Variants in DOCK2 observed in about 807,000 individuals in gnomAD.
DOCK2 encodes the protein dedicator of cytokinesis protein 2.
In DOCK2, 87 loss-of-function variants were observed where a neutral mutation model predicts 248.9. The ratio of observed to expected loss-of-function variants is 0.35; its 90% CI spans 0.29 to 0.42. The LOEUF is 0.42. Ranked by LOEUF, DOCK2 falls within the 10% of genes least tolerant of loss-of-function variation. The pLI, the probability that DOCK2 is intolerant of heterozygous loss-of-function variation, is 1.00. For missense variants in DOCK2, 1,747 were observed against 2,300.2 expected (o/e 0.76, Z 4.92); for synonymous variants, 805 against 821.6 (o/e 0.98, Z 0.35).
rs371270023 is a variant in DOCK2 at position 169,883,372 on chromosome 5, T to G, written c.2799+42520T>G. 2.6e-6 allele frequency: 4 copies of G among 1,551,566 alleles called. No individual in the cohort carries two copies. The highest frequency in any genetic ancestry group is 2.7e-5 in the African/African-American group (2 of 73,026). The stretch of plus-strand genomic sequence containing the variant: ...GCTAACAGGACCATTGCTTTGCACC[T>G]TGGGGACCCTTGGGAGGAATGCATG... On this transcript the variant is annotated intron_variant, in intron 27 of 51. Transcript: ENST00000520908.
At chr5:169,844,573 T>G (rs764621804) in intron 27 of DOCK2, among the ~76,000 whole-genome samples, 31 of 152,346 alleles carry the variant, frequency 2.0e-4, no homozygotes, top group Non-Finnish European at 3.7e-4. Flanking sequence ...CCACTTCACA[T>G]TCCCCCCAGC....
At chr5:169,912,553 T>G (rs1250709346) in intron 27 of DOCK2, among the ~76,000 whole-genome samples, 1 of 152,188 alleles carries the variant, frequency 6.6e-6, no homozygotes, top group Non-Finnish European at 1.5e-5. Flanking sequence ...ATCCATAACT[T>G]TCTTTCCACT....
chr5:169,669,437 A>G, intron 3 of DOCK2, 109 bp downstream of exon 3: 2 of 1,228,984 alleles, frequency 1.6e-6, no homozygotes, highest in Non-Finnish European at 1.2e-6. Flanking sequence ...AAGGGAATCC[A>G]TCTCTCCCTC....
At chr5:169,937,355 G>A (rs147431376) in intron 27 of DOCK2, among the ~76,000 whole-genome samples, 3 of 152,306 alleles carry the variant, frequency 2.0e-5, no homozygotes, top group East Asian at 3.9e-4. Flanking sequence ...TTCCCTGGGT[G>A]TGCAACCTTG....
intron 46 of DOCK2, among the ~76,000 whole-genome samples, chr5:170,070,511 C>T (rs1358031681): frequency 6.6e-6 from 1 of 152,196 alleles, no homozygotes; most frequent in Non-Finnish European, 1.5e-5. Flanking sequence ...CCTTGTGCCA[C>T]CTGTGAAGCC....
intron 1 of DOCK2, among the ~76,000 whole-genome samples, chr5:169,647,211 C>G (rs979494990): frequency 2.0e-5 from 3 of 152,164 alleles, no homozygotes; most frequent in African/African-American, 4.8e-5. Flanking sequence ...GTCTGTTGTT[C>G]TTCTTCAGCA....
chr5:169,809,179 C>T (rs942904405), intron 26 of DOCK2, among the ~76,000 whole-genome samples: 8 of 152,046 alleles, frequency 5.3e-5, no homozygotes, highest in African/African-American at 1.4e-4. Context: ...TTAGTAGAGA[C>T]GGCATTTTAC....
At chr5:169,742,688 T>A (rs1763381992) in intron 22 of DOCK2, among the ~76,000 whole-genome samples, 1 of 152,226 alleles carries the variant, frequency 6.6e-6, no homozygotes, top group Non-Finnish European at 1.5e-5. Context: ...GAGGTTGGCA[T>A]CTCAGTTTTG....
chr5:169,974,959 G>A (rs1777664590), intron 27 of DOCK2, among the ~76,000 whole-genome samples: 1 of 152,118 alleles, frequency 6.6e-6, no homozygotes, highest in South Asian at 2.1e-4. Flanking sequence ...GGCTTCTCAG[G>A]TAGGCCCCCA....
At chr5:169,729,556 T>C (rs1389327626) in intron 22 of DOCK2, among the ~76,000 whole-genome samples, 1 of 152,220 alleles carries the variant, frequency 6.6e-6, no homozygotes, top group Non-Finnish European at 1.5e-5. Flanking sequence ...ATTTGTGTAT[T>C]CAATAGTCAC....
chr5:170,014,663 G>T (rs1043672917), intron 32 of DOCK2, among the ~76,000 whole-genome samples: 2 of 115,784 alleles, frequency 1.7e-5, no homozygotes, highest in African/African-American at 6.6e-5. Flanking sequence ...TGGAGGGGGG[G>T]TCCAGGAGAG....
At chr5:169,867,711 CACACATAT>C (rs1437511726) in intron 27 of DOCK2, among the ~76,000 whole-genome samples, 5 of 152,122 alleles carry the variant, frequency 3.3e-5, no homozygotes, top group Admixed American at 2.6e-4. Context: ...CGCACACATA[CACACATAT>C]ATAATCATAA....
At chr5:169,702,131 A>T (rs1761003900) in intron 13 of DOCK2, 172 bp from the exon 14 acceptor site, 1 of 629,140 alleles carries the variant, frequency 1.6e-6, no homozygotes, top group Non-Finnish European at 2.4e-6. Flanking sequence ...CGTGTTACCT[A>T]CTTCTCCAGC....
chr5:169,775,506 C>A (rs564928467), intron 25 of DOCK2, among the ~76,000 whole-genome samples: 121 of 152,122 alleles, frequency 8.0e-4, no homozygotes, highest in African/African-American at 2.8e-3. Context: ...AGAAAACAGA[C>A]AAAACCTACA....
intron 23 of DOCK2, among the ~76,000 whole-genome samples, chr5:169,749,195 G>C (rs531334663): frequency 6.6e-6 from 1 of 152,176 alleles, no homozygotes; most frequent in Non-Finnish European, 1.5e-5. Context: ...AAGCATCATT[G>C]GTTTTATGAA....
chr5:169,959,105 C>G (rs1776976875), intron 27 of DOCK2, among the ~76,000 whole-genome samples: 1 of 152,108 alleles, frequency 6.6e-6, no homozygotes, highest in South Asian at 2.1e-4. Flanking sequence ...ATAAAAAGCA[C>G]AAACTGGCTG....
chr5:169,985,867 A>G lies in DOCK2; in HGVS notation c.2938A>G (p.Ile980Val), dbSNP rs1410814229. The G allele has an allele frequency of 1.9e-6, 3 of 1,610,932 alleles. No homozygotes were observed. The highest frequency in any genetic ancestry group is 1.7e-6 in the Non-Finnish European group (2 of 1,178,102). Residue 980 changes from isoleucine to valine, a missense_variant, in exon 29 of 52, where the codon ATT becomes GTT. Ile to Val is a conservative substitution (Grantham distance 29, BLOSUM62 3). This residue lies in a region of DOCK2 where 858 missense variants were observed against 1,183.5 expected (regional missense o/e 0.72). Transcript: ENST00000520908. ...METFIMFKDL[I>V]GKNVYPGDWM... ...GACCTTCATCATGTTCAAGGACCTC[A>G]TTGGAAAGAACGTGTACCCTGGAGA... is the stretch of plus-strand genomic sequence containing the variant.
intron 27 of DOCK2, among the ~76,000 whole-genome samples, chr5:169,959,878 G>A (rs979710787): frequency 6.6e-6 from 1 of 152,218 alleles, no homozygotes; most frequent in Non-Finnish European, 1.5e-5. Flanking sequence ...CAGGAAAAGA[G>A]GAAACAGAAG....
chr5:170,041,232 A>AAAAAAAAGT, intron 37 of DOCK2, 87 bp downstream of exon 37: 1 of 1,260,260 alleles, frequency 7.9e-7, no homozygotes, highest in South Asian at 1.2e-5. Context: ...GAAAAAAAAG[A>AAAAAAAAGT]AAAAGAATCC....
Sources: allele counts gnomAD v4.1 joint callset (sites outside exome capture counted in the v4.1 genomes callset), GRCh38; gene constraint gnomAD v4.1.1; regional missense constraint gnomAD v4.1.1; transcripts MANE v1.5; gene names NCBI Gene and HGNC (gene_info 2026-07-23, HGNC 2026-07-21).